Variants in SYNCRIP observed in about 807,000 individuals in gnomAD.
SYNCRIP encodes synaptotagmin binding cytoplasmic RNA interacting protein.
Under a neutral mutation model 68.9 loss-of-function variants are expected in SYNCRIP, and 9 were observed. That is an observed-to-expected ratio of 0.13 (90% confidence interval 0.08 to 0.23). The LOEUF (loss-of-function observed/expected upper bound fraction) is 0.23. SYNCRIP is among the 10% of genes least tolerant of loss of function. SYNCRIP has a pLI of 1.00. For missense variants in SYNCRIP, 414 were observed against 770.6 expected, an observed-to-expected ratio of 0.54 and a Z score of 5.48; for synonymous variants, 258 against 254.0, an observed-to-expected ratio of 1.02 and a Z score of -0.15.
chr6:85,611,970 T>C (rs1000988552), downstream of SYNCRIP: 20 of 152,358 alleles, frequency 1.3e-4, no homozygotes, highest in African/African-American at 4.8e-4. Flanking sequence ...GGATGCACTT[T>C]TTTGAACATC....
intron 6 of SYNCRIP, among the ~76,000 whole-genome samples, chr6:85,636,687 C>G (rs570684774): frequency 1.3e-5 from 2 of 152,174 alleles, no homozygotes; most frequent in East Asian, 1.9e-4. Flanking sequence ...TTTTCACATT[C>G]CTATAAATTT....
chr6:85,608,694 A>T (rs1805010831), exon 12 of SYNCRIP: 1 of 152,064 alleles, frequency 6.6e-6, no homozygotes, highest in Admixed American at 6.6e-5. Flanking sequence ...TCTCAATGCC[A>T]GACTTCTAAA....
intron 6 of SYNCRIP, among the ~76,000 whole-genome samples, chr6:85,634,240 G>T (rs143776261): frequency 6.6e-6 from 1 of 152,104 alleles, no homozygotes; most frequent in Non-Finnish European, 1.5e-5. Context: ...ACTGGCACTC[G>T]AAATCACTGT....
Position 85,642,811 on chromosome 6 carries a change from G to C in SYNCRIP, c.-27C>G, listed in dbSNP as rs1345657428. ...GCAGTCGTTACCTCCCCGTTGGGCT[G>C]AGGCGGAGAAATCCTGTCCGATGGT... On this transcript the variant is annotated 5_prime_UTR_variant, in exon 1 of 11. Coordinates refer to ENST00000369622, the MANE Select transcript of SYNCRIP (RefSeq NM_006372.5). The C allele has an allele frequency of 6.5e-6, 1 of 152,752 alleles. No homozygotes were observed. The highest frequency in any genetic ancestry group is 1.5e-5 in the Non-Finnish European group (1 of 68,184). 9.5% of individuals were successfully genotyped at this position (152,752 alleles called of 1,614,324 possible). A position where few individuals can be genotyped will look rare whatever the true frequency, so the allele number is the denominator to read the frequency against.
At chr6:85,628,712 A>C (rs1000761609) in intron 6 of SYNCRIP, among the ~76,000 whole-genome samples, 10 of 152,184 alleles carry the variant, frequency 6.6e-5, no homozygotes, top group Non-Finnish European at 1.3e-4. Context: ...ACCACACATT[A>C]CTGACACCAC....
intron 6 of SYNCRIP, 24 bp from the exon 7 acceptor site, chr6:85,624,136 T>C (rs376755461): frequency 1.8e-5 from 29 of 1,602,114 alleles, no homozygotes; most frequent in African/African-American, 2.7e-5. Context: ...AAGTGCATCA[T>C]GTTTTTAAAT....
In SYNCRIP at chr6:85,614,400, GAC is replaced by G; in HGVS notation, c.*354_*355del. 1 of 1,005,066 alleles carries G rather than the reference GAC, an allele frequency of 9.9e-7. No homozygotes were observed. Among genetic ancestry groups the G allele is most frequent in the Non-Finnish European group, 1.2e-6 (1 of 843,396 alleles). 62.3% of individuals were successfully genotyped at this position (1,005,066 alleles called of 1,614,324 possible). On this transcript the variant is annotated 3_prime_UTR_variant, in exon 11 of 11. Transcript: ENST00000369622. ...AGTTATTCTGATACAAGATATTAAA[GAC>G]ACACTTGGTTTTAATCAACTACCTT...
At chr6:85,640,721 A>C (rs1809033889) in intron 2 of SYNCRIP, among the ~76,000 whole-genome samples, 157 bp from the exon 3 acceptor site, 1 of 151,866 alleles carries the variant, frequency 6.6e-6, no homozygotes, top group African/African-American at 2.4e-5. Flanking sequence ...GCCACTCTGA[A>C]CTGAATCCTG....
chr6:85,641,483 G>C lies in SYNCRIP; in HGVS notation c.-12-32C>G, dbSNP rs753209587. 2.5e-6 allele frequency: 4 copies of C among 1,585,136 alleles called. No individual in the cohort carries two copies. The African/African-American group carries it at 4.1e-5, about 16-fold the overall frequency. ...AAACGCAATAAGCAAAATTAAACTAGGATCTTCAAAAAGAATACAAGACAA... is the reference window on the plus strand; with the variant it reads ...AAACGCAATAAGCAAAATTAAACTACGATCTTCAAAAAGAATACAAGACAA... On this transcript the variant is annotated intron_variant, in intron 1 of 10. Transcript: ENST00000369622.
At chr6:85,616,525 T>C (rs368115661) in intron 10 of SYNCRIP, among the ~76,000 whole-genome samples, 1 of 152,200 alleles carries the variant, frequency 6.6e-6, no homozygotes, top group Non-Finnish European at 1.5e-5. Context: ...GGTTTCACCA[T>C]GTTGGCCAGG....
downstream of SYNCRIP, chr6:85,613,973 A>C (rs1171158469): frequency 1.0e-6 from 1 of 982,754 alleles, no homozygotes; most frequent in African/African-American, 1.7e-5. Context: ...TACCAACTTA[A>C]ACTTACTACA....
intron 6 of SYNCRIP, among the ~76,000 whole-genome samples, chr6:85,628,970 G>T (rs528799201): frequency 6.6e-6 from 1 of 152,004 alleles, no homozygotes; most frequent in South Asian, 2.1e-4. Flanking sequence ...CAAAATCTCC[G>T]ATCTTTCTCC....
At chr6:85,631,279 C>A (rs1400563528) in intron 6 of SYNCRIP, among the ~76,000 whole-genome samples, 1 of 144,122 alleles carries the variant, frequency 6.9e-6, no homozygotes, top group African/African-American at 2.6e-5. Flanking sequence ...GCAGAGGGTG[C>A]AGTGAGCTGT....
rs146984890 is a variant in SYNCRIP at position 85,632,480 on chromosome 6, T to C, written c.666+4487A>G. ...GAGGAACATACTTAGGAAAGGGGTA[T>C]TCATGTCCGCAAATGAATACAAAGT... On this transcript the variant is annotated intron_variant, in intron 6 of 10. Transcript: ENST00000369622. Among the ~76,000 whole-genome samples the C allele has an allele frequency of 6.3e-3, 960 of 152,284 alleles. 5 individuals carry two copies. Among genetic ancestry groups the C allele is most frequent in the South Asian group, 0.012 (56 of 4,824 alleles).
downstream of SYNCRIP, chr6:85,613,871 G>T: frequency 3.0e-6 from 2 of 660,806 alleles, no homozygotes; most frequent in Non-Finnish European, 3.7e-6. Context: ...ACTGAAAGTG[G>T]ACTTGTCAGT....
downstream of SYNCRIP, chr6:85,609,967 C>T (rs1805117503): frequency 6.6e-6 from 1 of 151,920 alleles, no homozygotes; most frequent in African/African-American, 2.4e-5. Flanking sequence ...AACATTCCCC[C>T]TTTAACATGT....
chr6:85,642,236 T>A (rs968340000), intron 1 of SYNCRIP, among the ~76,000 whole-genome samples: 3 of 151,924 alleles, frequency 2.0e-5, no homozygotes, highest in Non-Finnish European at 4.4e-5. Context: ...GTCTCCGCCG[T>A]GACACATGGC....
At position 85,640,567 on chromosome 6, in the gene SYNCRIP, G is replaced by GA; in HGVS notation, c.149-4dup. 1.3e-6 allele frequency: 2 copies of GA among 1,537,570 alleles called. No individual in the cohort carries two copies. The highest frequency in any genetic ancestry group is 1.8e-6 in the Non-Finnish European group (2 of 1,141,116). ...TAAATCACTATGTGCAACTAGCCCTGAAAAAAATAAAAGTTATCAGCTTTT... is the reference window on the plus strand; with the variant it reads ...TAAATCACTATGTGCAACTAGCCCTGAAAAAAAATAAAAGTTATCAGCTTTT... On this transcript the variant is annotated splice_polypyrimidine_tract_variant and splice_region_variant and intron_variant, in intron 2 of 10. Transcript: ENST00000369622.
upstream of SYNCRIP, among the ~76,000 whole-genome samples, chr6:85,643,498 C>T (rs892821190): frequency 2.0e-5 from 3 of 152,050 alleles, no homozygotes; most frequent in Non-Finnish European, 4.4e-5. Flanking sequence ...AAGGCCCGCC[C>T]CTTCCCCTCC....
Sources: gnomAD v4.1 joint callset for allele counts (sites outside exome capture counted in the v4.1 genomes callset) on GRCh38, gnomAD v4.1.1 for gene constraint, MANE v1.5 for transcripts, NCBI Gene and HGNC (gene_info 2026-07-23, HGNC 2026-07-21) for gene names.